The following EPYC variants were observed in gnomAD, a reference collection of about 807,000 sequenced individuals.
EPYC encodes the protein dermatan sulfate proteoglycan 3.
Under a neutral mutation model 30.1 loss-of-function variants are expected in EPYC, and 28 were observed. The ratio of observed to expected loss-of-function variants is 0.93; its 90% CI spans 0.69 to 1.28. The LOEUF is 1.28. Among genes scored for constraint, EPYC ranks in the 50% most tolerant of loss-of-function variants. EPYC has a pLI of 0.00. For synonymous variants in EPYC, 144 were observed against 141.4 expected (o/e 1.02, Z -0.13); for missense variants, 382 against 383.5 (o/e 1.00, Z 0.03).
Position 90,982,627 on chromosome 12 carries a change from A to G in EPYC, c.166-4365T>C, listed in dbSNP as rs146394556. 5.9e-3 allele frequency among the ~76,000 whole-genome samples: 892 copies of G among 152,092 alleles called. 8 individuals carry two copies. Among genetic ancestry groups the G allele is most frequent in the African/African-American group, 0.02 (849 of 41,510 alleles). ...TGTAATTATGTATCTTTCAACCTAC[A>G]TTTCCCCATTTCCCTCTTCTGCCTA... On this transcript the variant is annotated intron_variant, in intron 2 of 6. Coordinates refer to ENST00000261172, the MANE Select transcript of EPYC (RefSeq NM_004950.5).
intron 2 of EPYC, among the ~76,000 whole-genome samples, chr12:91,000,425 C>T (rs1186943700): frequency 6.6e-6 from 1 of 152,042 alleles, no homozygotes; most frequent in Non-Finnish European, 1.5e-5. Flanking sequence ...TGTTTGTTAG[C>T]TTAAATTTCT....
chr12:90,980,969 C>G (rs1015040421), intron 2 of EPYC, among the ~76,000 whole-genome samples: 1 of 152,088 alleles, frequency 6.6e-6, no homozygotes, highest in Non-Finnish European at 1.5e-5. Context: ...TAACATCGTA[C>G]CAGCAGAGTA....
chr12:90,966,741 G>A (rs1876906102), intron 6 of EPYC, among the ~76,000 whole-genome samples: 1 of 152,102 alleles, frequency 6.6e-6, no homozygotes. Context: ...GTTTGATAAA[G>A]TTAACGAGTA....
chr12:90,988,526 T>C (rs1877506368), intron 2 of EPYC, among the ~76,000 whole-genome samples: 2 of 152,142 alleles, frequency 1.3e-5, no homozygotes, highest in Non-Finnish European at 2.9e-5. Context: ...ATGGGCTAGA[T>C]GAAATGTTCT....
At chr12:90,998,983 A>G (rs1418967788) in intron 2 of EPYC, among the ~76,000 whole-genome samples, 1 of 151,990 alleles carries the variant, frequency 6.6e-6, no homozygotes, top group East Asian at 1.9e-4. Flanking sequence ...TTCCTTACCA[A>G]ATTGGTCCTT....
At chr12:90,983,236 T>C (rs1216020645) in intron 2 of EPYC, among the ~76,000 whole-genome samples, 1 of 152,168 alleles carries the variant, frequency 6.6e-6, no homozygotes, top group Non-Finnish European at 1.5e-5. Context: ...GGACACAAAA[T>C]ATACTCCCTA....
intron 2 of EPYC, among the ~76,000 whole-genome samples, chr12:90,992,923 T>C (rs1449960100): frequency 6.6e-6 from 1 of 152,176 alleles, no homozygotes; most frequent in Non-Finnish European, 1.5e-5. Context: ...AGCTCTAATA[T>C]TAGTCAAATG....
At position 90,978,070 on chromosome 12, in the gene EPYC, T is replaced by A; in HGVS notation, c.340+18A>T. On this transcript the variant is annotated intron_variant, in intron 3 of 6. Coordinates refer to ENST00000261172, the MANE Select transcript of EPYC (RefSeq NM_004950.5). ...GACAAAGTGGACTCAATTGTAATTC[T>A]GCTTTGAGGTACCTGACCTTCATTT... 6.5e-7 allele frequency: 1 copy of A among 1,532,296 alleles called. No homozygotes were observed. Among genetic ancestry groups the A allele is most frequent in the Non-Finnish European group, 8.7e-7 (1 of 1,144,730 alleles). The allele number at this position is 1,532,296 out of a possible 1,614,324, so 94.9% of individuals were successfully genotyped here. A position where few individuals can be genotyped will look rare whatever the true frequency, so the allele number is the denominator to read the frequency against.
chr12:90,976,142 A>T (rs1381401633), intron 3 of EPYC, among the ~76,000 whole-genome samples: 1 of 152,098 alleles, frequency 6.6e-6, no homozygotes, highest in African/African-American at 2.4e-5. Context: ...AAAAACTCAA[A>T]GAGGCAAAGA....
chr12:90,973,776 G>C (rs1877111731), intron 3 of EPYC, among the ~76,000 whole-genome samples: 1 of 152,138 alleles, frequency 6.6e-6, no homozygotes, highest in East Asian at 1.9e-4. Context: ...ATAACATGCA[G>C]GGGCCTTGTA....
At chr12:90,972,066 G>A (rs983028431) in intron 4 of EPYC, 64 bp from the exon 5 acceptor site, 4 of 1,014,024 alleles carry the variant, frequency 3.9e-6, no homozygotes, top group South Asian at 3.7e-5. Flanking sequence ...AAATATAAAT[G>A]TAATTTTCCT....
intron 2 of EPYC, among the ~76,000 whole-genome samples, chr12:91,001,712 T>G (rs12319874): frequency 0.067 from 10,244 of 152,142 alleles, 570 homozygotes; most frequent in African/African-American, 0.16. Flanking sequence ...TTTCTTCTAG[T>G]TTATTTCAAT....
chr12:90,966,308 C>T (rs954987006), intron 6 of EPYC, among the ~76,000 whole-genome samples: 2 of 151,792 alleles, frequency 1.3e-5, no homozygotes, highest in Admixed American at 6.6e-5. Flanking sequence ...TGAAGAAGTT[C>T]CTTCTATTCC....
intron 6 of EPYC, among the ~76,000 whole-genome samples, chr12:90,969,414 G>A (rs1364243931): frequency 6.6e-6 from 1 of 151,598 alleles, no homozygotes; most frequent in East Asian, 1.9e-4. Context: ...TAATCACATA[G>A]GTGAAAATAA....
At chr12:90,996,841 C>T (rs1382103953) in intron 2 of EPYC, among the ~76,000 whole-genome samples, 2 of 151,966 alleles carry the variant, frequency 1.3e-5, no homozygotes. Flanking sequence ...CTGATGAATG[C>T]ATATACCATA....
chr12:90,968,034 C>T (rs1246478451), intron 6 of EPYC, among the ~76,000 whole-genome samples: 1 of 151,912 alleles, frequency 6.6e-6, no homozygotes, highest in East Asian at 1.9e-4. Flanking sequence ...TATTGAACTG[C>T]CTATTTCTCC....
intron 6 of EPYC, among the ~76,000 whole-genome samples, chr12:90,969,726 T>C (rs947032222): frequency 1.3e-5 from 2 of 152,156 alleles, no homozygotes; most frequent in Admixed American, 1.3e-4. Context: ...TTCTAATCTT[T>C]TCATTTTCTT....
intron 3 of EPYC, among the ~76,000 whole-genome samples, chr12:90,975,966 T>C (rs760244658): frequency 6.6e-6 from 1 of 152,134 alleles, no homozygotes; most frequent in Non-Finnish European, 1.5e-5. Flanking sequence ...TTTTATAGTA[T>C]GTCAGAGTTT....
rs546632238 is a variant in EPYC, at chr12:90,967,846, C to T, written c.798+2198G>A. ...AGTAGCCAGGCATGATGGTTCACAC[C>T]TAAAGTTCTAGCTACTTGGGAGACT... On this transcript the variant is annotated intron_variant, in intron 6 of 6. Coordinates refer to ENST00000261172, the MANE Select transcript of EPYC (RefSeq NM_004950.5). Among the ~76,000 whole-genome samples the T allele has an allele frequency of 2.7e-3, 417 of 152,144 alleles. 8 individuals are homozygous for T. The East Asian group carries it at 0.067, about 24-fold the overall frequency.
Sources: allele counts gnomAD v4.1 joint callset (sites outside exome capture counted in the v4.1 genomes callset), GRCh38; gene constraint gnomAD v4.1.1; transcripts MANE v1.5; gene names NCBI Gene and HGNC (gene_info 2026-07-23, HGNC 2026-07-21).